Variants in MALRD1 observed in about 807,000 individuals in gnomAD.
MALRD1 encodes the protein MAM and LDL-receptor class A domain-containing protein 1.
In MALRD1, 247 loss-of-function variants were observed where a neutral mutation model predicts 242.1. The observed-to-expected ratio is 1.02, with a 90% CI of 0.92 to 1.13. The LOEUF (loss-of-function observed/expected upper bound fraction) is 1.13. MALRD1 is among the 50% of genes most tolerant of loss of function. The pLI, the probability that MALRD1 is intolerant of heterozygous loss-of-function variation, is 0.00. For synonymous variants in MALRD1, 995 were observed against 866.6 expected, an observed-to-expected ratio of 1.15 and a Z score of -2.60; for missense variants, 2,989 against 2,533.1, an observed-to-expected ratio of 1.18 and a Z score of -3.86.
At chr10:19,442,902 T>C (rs2130996196) in intron 28 of MALRD1, among the ~76,000 whole-genome samples, 1 of 152,330 alleles carries the variant, frequency 6.6e-6, no homozygotes, top group Non-Finnish European at 1.5e-5. Context: ...TGATACCAGC[T>C]CCTCTTTGTA....
At chr10:19,631,698 G>A (rs1293015571) in intron 36 of MALRD1, among the ~76,000 whole-genome samples, 1 of 152,116 alleles carries the variant, frequency 6.6e-6, no homozygotes, top group Non-Finnish European at 1.5e-5. Flanking sequence ...ATTGGTGTGA[G>A]ATGCTATGTC....
chr10:19,310,118 G>T (rs1346367704), intron 21 of MALRD1, among the ~76,000 whole-genome samples: 1 of 151,430 alleles, frequency 6.6e-6, no homozygotes, highest in Non-Finnish European at 1.5e-5. Flanking sequence ...AGGTCAGAAG[G>T]CTAATGGAAC....
intron 21 of MALRD1, among the ~76,000 whole-genome samples, chr10:19,299,845 C>T (rs1033649364): frequency 6.6e-6 from 1 of 151,870 alleles, no homozygotes; most frequent in Non-Finnish European, 1.5e-5. Flanking sequence ...TCCTATTCAA[C>T]ATAGCTCTGG....
At chr10:19,685,025 G>T (rs188839889) in intron 36 of MALRD1, among the ~76,000 whole-genome samples, 9 of 152,114 alleles carry the variant, frequency 5.9e-5, no homozygotes, top group Non-Finnish European at 8.8e-5. Flanking sequence ...TCAGTTATAG[G>T]ATTTCTATAT....
At chr10:19,151,182 A>AT (rs937257388) in intron 11 of MALRD1, among the ~76,000 whole-genome samples, 2 of 151,960 alleles carry the variant, frequency 1.3e-5, no homozygotes, top group African/African-American at 2.4e-5. Flanking sequence ...ACTGAAAAAT[A>AT]TTTTTTTCAA....
intron 32 of MALRD1, among the ~76,000 whole-genome samples, chr10:19,537,645 A>G (rs958660646): frequency 6.6e-6 from 1 of 152,168 alleles, no homozygotes; most frequent in Admixed American, 6.5e-5. Flanking sequence ...TATCATGGGA[A>G]ACTTATTTTA....
chr10:19,494,458 T>C (rs1437505535), intron 30 of MALRD1, among the ~76,000 whole-genome samples: 1 of 152,112 alleles, frequency 6.6e-6, no homozygotes, highest in Non-Finnish European at 1.5e-5. Context: ...ACACATAGAA[T>C]TCAGAATATG....
chr10:19,307,909 C>T (rs143072106), intron 21 of MALRD1, among the ~76,000 whole-genome samples: 82 of 151,336 alleles, frequency 5.4e-4, no homozygotes, highest in African/African-American at 1.8e-3. Context: ...TTTGTGGGTC[C>T]ATAGTAGGTG....
At position 19,670,474 on chromosome 10, in the gene MALRD1, T is replaced by G. The variant is rs369359286; in HGVS notation, c.6138-21808T>G. Among the ~76,000 whole-genome samples, 79 of 152,316 alleles carry G rather than the reference T, an allele frequency of 5.2e-4. 2 individuals carry two copies. Among genetic ancestry groups the G allele is most frequent in the African/African-American group, 1.8e-3 (74 of 41,572 alleles). Reference sequence around the variant, plus strand: ...CTTTTTCAGACACTAGTCACTCTACTGAGTTGTCTGCTGAATTATCAACAA... The same window carrying G: ...CTTTTTCAGACACTAGTCACTCTACGGAGTTGTCTGCTGAATTATCAACAA... On this transcript the variant is annotated intron_variant, in intron 36 of 39. Coordinates refer to ENST00000454679, the MANE Select transcript of MALRD1 (RefSeq NM_001142308.3).
At chr10:19,122,452 A>G (rs1198662156) in intron 5 of MALRD1, among the ~76,000 whole-genome samples, 3 of 152,148 alleles carry the variant, frequency 2.0e-5, no homozygotes, top group Non-Finnish European at 4.4e-5. Flanking sequence ...AAGCAAATAA[A>G]AGTGAATATT....
At chr10:19,430,111 C>CCTTTT (rs1285347677) in intron 28 of MALRD1, among the ~76,000 whole-genome samples, 8 of 83,526 alleles carry the variant, frequency 9.6e-5, no homozygotes, top group African/African-American at 3.9e-4. Flanking sequence ...CTCCATTTTC[C>CCTTTT]TTTTTTTTTT....
At chr10:19,246,239 G>C (rs1352030621) in intron 18 of MALRD1, among the ~76,000 whole-genome samples, 3 of 152,042 alleles carry the variant, frequency 2.0e-5, no homozygotes, top group African/African-American at 7.2e-5. Context: ...TTCCTTTCCT[G>C]ATAACCATAT....
intron 13 of MALRD1, among the ~76,000 whole-genome samples, chr10:19,171,063 T>C (rs1300112844): frequency 1.3e-5 from 2 of 152,064 alleles, no homozygotes; most frequent in African/African-American, 4.8e-5. Flanking sequence ...TAATTGCGTA[T>C]TTGTCTGGAA....
intron 36 of MALRD1, among the ~76,000 whole-genome samples, chr10:19,678,531 C>G (rs897919007): frequency 2.0e-5 from 3 of 152,156 alleles, no homozygotes; most frequent in African/African-American, 7.2e-5. Flanking sequence ...TATCCTGAGA[C>G]TTTGCTAAAG....
At chr10:19,149,463 C>A (rs1229017934) in intron 11 of MALRD1, among the ~76,000 whole-genome samples, 1 of 152,066 alleles carries the variant, frequency 6.6e-6, no homozygotes, top group East Asian at 1.9e-4. Context: ...TCGAAATAGG[C>A]AACTCATGTT....
chr10:19,632,827 T>C (rs955871493), intron 36 of MALRD1, among the ~76,000 whole-genome samples: 2 of 152,156 alleles, frequency 1.3e-5, no homozygotes, highest in African/African-American at 4.8e-5. Context: ...ATGTTTAGAT[T>C]AAGGTAGAAT....
intron 26 of MALRD1, among the ~76,000 whole-genome samples, chr10:19,362,265 A>G (rs1259309982): frequency 1.3e-5 from 2 of 152,048 alleles, no homozygotes; most frequent in African/African-American, 4.8e-5. Flanking sequence ...GGAAACCACC[A>G]TTTGGTATTC....
chr10:19,447,117 C>G (rs2496068), intron 28 of MALRD1, among the ~76,000 whole-genome samples: 117,865 of 151,610 alleles, frequency 0.78, 46,456 homozygotes, highest in African/African-American at 0.92. Flanking sequence ...ATGAGCAAGA[C>G]TGAGAGTGCT....
At chr10:19,349,632 T>C (rs571240697) in intron 25 of MALRD1, among the ~76,000 whole-genome samples, 2 of 152,306 alleles carry the variant, frequency 1.3e-5, no homozygotes, top group East Asian at 3.9e-4. Flanking sequence ...TCCAGATAAC[T>C]TAGTACTTTC....
Sources: gnomAD v4.1 joint callset for allele counts (sites outside exome capture counted in the v4.1 genomes callset) on GRCh38, gnomAD v4.1.1 for gene constraint, MANE v1.5 for transcripts, NCBI Gene and HGNC (gene_info 2026-07-23, HGNC 2026-07-21) for gene names.